SLC7A14: variants seen among roughly 807,000 people sequenced by gnomAD.
SLC7A14 encodes the protein solute carrier family 7 member 14.
SLC7A14 carries 37 observed loss-of-function variants against 60.2 expected under a neutral mutation model. The ratio of observed to expected loss-of-function variants is 0.61; its 90% CI spans 0.47 to 0.81. The LOEUF is 0.81. Ranked by LOEUF, SLC7A14 falls within the 30% of genes least tolerant of loss-of-function variation. SLC7A14 has a pLI of 0.00. For synonymous variants in SLC7A14, 399 were observed against 395.8 expected (o/e 1.01, Z -0.10); for missense variants, 886 against 982.7 (o/e 0.90, Z 1.32).
chr3:170,547,430 T>C (rs1272716749), intron 1 of SLC7A14, among the ~76,000 whole-genome samples: 2 of 152,318 alleles, frequency 1.3e-5, no homozygotes, highest in African/African-American at 4.8e-5. Context: ...CCAGAAGCCT[T>C]ACCAACACCA....
chr3:170,546,124 C>T (rs1256457048), intron 1 of SLC7A14, among the ~76,000 whole-genome samples: 1 of 152,228 alleles, frequency 6.6e-6, no homozygotes, highest in African/African-American at 2.4e-5. Flanking sequence ...TGTCAGCTAG[C>T]AGGCTGCCCA....
intron 2 of SLC7A14, among the ~76,000 whole-genome samples, chr3:170,523,706 G>C (rs77420517): frequency 0.015 from 2,319 of 152,262 alleles, 20 homozygotes; most frequent in Non-Finnish European, 0.025. Flanking sequence ...AGACCAGAAG[G>C]AGAAAAGGAC....
intron 1 of SLC7A14, among the ~76,000 whole-genome samples, chr3:170,563,418 T>TTTG (rs1491233119): frequency 2.7e-5 from 1 of 37,414 alleles, no homozygotes; most frequent in Admixed American, 2.2e-4. Flanking sequence ...TGTTTGTTTG[T>TTTG]TTTTTTTTTT....
At chr3:170,562,020 G>A (rs1714668677) in intron 1 of SLC7A14, among the ~76,000 whole-genome samples, 1 of 152,192 alleles carries the variant, frequency 6.6e-6, no homozygotes, top group African/African-American at 2.4e-5. Flanking sequence ...CGGTGAAAAG[G>A]AAACACTTTT....
intron 3 of SLC7A14, 59 bp from the exon 4 acceptor site, chr3:170,498,943 C>G: frequency 3.9e-6 from 6 of 1,525,110 alleles, no homozygotes; most frequent in East Asian, 2.3e-5. Flanking sequence ...CATGCAAACT[C>G]CTGGTCCTAC....
In SLC7A14 at chr3:170,473,793, C is replaced by T. The variant is rs149257031; in HGVS notation, c.1994-6416G>A. 4.4e-3 allele frequency among the ~76,000 whole-genome samples: 667 copies of T among 152,258 alleles called. 3 individuals carry two copies. The highest frequency in any genetic ancestry group is 0.015 in the African/African-American group (620 of 41,544). On this transcript the variant is annotated intron_variant, in intron 7 of 7. Coordinates refer to ENST00000231706, the MANE Select transcript of SLC7A14 (RefSeq NM_020949.3). Reference sequence around the variant, plus strand: ...AGAGCAGGCTTAGGATGAAGTTGGGCGGAGATTCTCTCCATGACCCTGCAG... The same window carrying T: ...AGAGCAGGCTTAGGATGAAGTTGGGTGGAGATTCTCTCCATGACCCTGCAG...
intron 1 of SLC7A14, among the ~76,000 whole-genome samples, chr3:170,527,326 T>C (rs1195396583): frequency 6.6e-6 from 1 of 152,216 alleles, no homozygotes; most frequent in Non-Finnish European, 1.5e-5. Context: ...GTTAGAGCTC[T>C]GCCACTTACT....
In SLC7A14 at chr3:170,515,322, A is replaced by ACCC. The variant is rs1560266042; in HGVS notation, c.304+11310_304+11311insGGG. Among the ~76,000 whole-genome samples the ACCC allele has an allele frequency of 3.4e-3, 234 of 68,656 alleles. 1 individual carries two copies. The highest frequency in any genetic ancestry group is 9.0e-3 in the African/African-American group (191 of 21,146). The allele number at this position is 68,656 out of a possible 152,430, so 45.0% of individuals were successfully genotyped here. A position where few individuals can be genotyped will look rare whatever the true frequency, so the allele number is the denominator to read the frequency against. On this transcript the variant is annotated intron_variant, in intron 2 of 7. Coordinates refer to ENST00000231706, the MANE Select transcript of SLC7A14 (RefSeq NM_020949.3). ...AGTGAGACTCTGTCCGCCCCCCCCA[A>ACCC]AAAAAAAATATATATATATGTATAT...
chr3:170,487,071 A>G (rs181018046), intron 4 of SLC7A14, among the ~76,000 whole-genome samples: 1 of 147,212 alleles, frequency 6.8e-6, no homozygotes, highest in Admixed American at 7.0e-5. Flanking sequence ...CATGGTAAAG[A>G]CAGTTTATTT....
At chr3:170,489,835 G>C (rs1329622592) in intron 4 of SLC7A14, among the ~76,000 whole-genome samples, 1 of 152,058 alleles carries the variant, frequency 6.6e-6, no homozygotes, top group African/African-American at 2.4e-5. Context: ...AAATAAATCA[G>C]GCATGGAAAG....
chr3:170,466,723 C>G lies in SLC7A14; in HGVS notation c.*332G>C, dbSNP rs1040654049. ...CTGAAATTCTGCCTTCTGCCCAGAG[C>G]CCCTGCTTGGGCTTCAACCAGCAAA... On this transcript the variant is annotated 3_prime_UTR_variant, in exon 8 of 8. Coordinates refer to ENST00000231706, the MANE Select transcript of SLC7A14 (RefSeq NM_020949.3). 4.7e-6 allele frequency: 1 copy of G among 211,478 alleles called. No homozygotes were observed. Among genetic ancestry groups the G allele is most frequent in the Admixed American group, 5.2e-5 (1 of 19,106 alleles). The allele number at this position is 211,478 out of a possible 1,614,324, so 13.1% of individuals were successfully genotyped here.
At chr3:170,500,302 G>A (rs1344091878) in intron 3 of SLC7A14, among the ~76,000 whole-genome samples, 1 of 152,042 alleles carries the variant, frequency 6.6e-6, no homozygotes, top group African/African-American at 2.4e-5. Context: ...TTAGCTGAGT[G>A]TGGTAGCTGA....
rs765706408 is a variant in SLC7A14 at position 170,486,317 on chromosome 3, T to C, written c.811A>G (p.Ile271Val). Reference sequence around the variant, plus strand: ...TTGGCTTCCTCTCCAGTGGTGGCGATGATGTCAAAGCCAATGAAAGCGTAG... The same window carrying C: ...TTGGCTTCCTCTCCAGTGGTGGCGACGATGTCAAAGCCAATGAAAGCGTAG... ...CFYAFIGFDI[I>V]ATTGEEAKNP... Residue 271 changes from isoleucine (I) to valine (V), a missense_variant, in exon 5 of 8, where the codon ATC becomes GTC. By Grantham distance (29) the Ile-to-Val change is conservative. Transcript: ENST00000231706. 1 of 1,614,216 alleles carries C rather than the reference T, an allele frequency of 6.2e-7. No homozygotes were observed. Among genetic ancestry groups the C allele is most frequent in the Non-Finnish European group, 8.5e-7 (1 of 1,180,030 alleles).
chr3:170,583,493 A>G (rs1238556117), intron 1 of SLC7A14, among the ~76,000 whole-genome samples: 1 of 152,240 alleles, frequency 6.6e-6, no homozygotes, highest in African/African-American at 2.4e-5. Flanking sequence ...TATTTCAGAC[A>G]CCATGAAATA....
chr3:170,568,564 G>C (rs1490347429), intron 1 of SLC7A14, among the ~76,000 whole-genome samples: 17 of 151,166 alleles, frequency 1.1e-4, no homozygotes, highest in African/African-American at 9.8e-5. Flanking sequence ...TTGGTAGCTT[G>C]ATGGGGATGG....
intron 1 of SLC7A14, among the ~76,000 whole-genome samples, chr3:170,527,631 C>G (rs1176778716): frequency 1.3e-5 from 2 of 152,116 alleles, no homozygotes; most frequent in Non-Finnish European, 2.9e-5. Context: ...CCATGCCACC[C>G]CATGGGTTAT....
intron 5 of SLC7A14, 143 bp downstream of exon 5, chr3:170,486,079 G>T (rs1345961420): frequency 9.3e-7 from 1 of 1,076,656 alleles, no homozygotes; most frequent in Non-Finnish European, 1.3e-6. Flanking sequence ...TTTTTTTCTT[G>T]TCATGGGGAG....
chr3:170,517,386 A>T (rs1713199085), intron 2 of SLC7A14, among the ~76,000 whole-genome samples: 1 of 152,142 alleles, frequency 6.6e-6, no homozygotes, highest in African/African-American at 2.4e-5. Context: ...TCCACTCCCC[A>T]GTGTTGTTAA....
At position 170,512,218 on chromosome 3, in the gene SLC7A14, C is replaced by T. The variant is rs1006118770; in HGVS notation, c.305-10873G>A. Among the ~76,000 whole-genome samples, 6 of 152,232 alleles carry T rather than the reference C, an allele frequency of 3.9e-5. No homozygotes were observed. The East Asian group carries it at 5.8e-4, about 15-fold the overall frequency. ...AATGGGCTGGGTTCAAGGTGAGTGC[C>T]GAGAGGACCCACCTGAGCCCTCACG... On this transcript the variant is annotated intron_variant, in intron 2 of 7. Transcript: ENST00000231706.
Sources: allele counts gnomAD v4.1 joint callset (sites outside exome capture counted in the v4.1 genomes callset), GRCh38; gene constraint gnomAD v4.1.1; transcripts MANE v1.5; gene names NCBI Gene and HGNC (gene_info 2026-07-23, HGNC 2026-07-21).